Variants in ZMYM4 observed in about 807,000 individuals in gnomAD.
The protein encoded by ZMYM4 is zinc finger MYM-type protein 4.
Under a neutral mutation model 183.2 loss-of-function variants are expected in ZMYM4, and 31 were observed. That is an observed-to-expected ratio of 0.17 (90% CI 0.13 to 0.23). The LOEUF is 0.23. ZMYM4 is among the 10% of genes least tolerant of loss of function. The pLI, the probability that ZMYM4 is intolerant of heterozygous loss-of-function variation, is 1.00. For synonymous variants in ZMYM4, 592 were observed against 631.2 expected (o/e 0.94, Z 0.93); for missense variants, 1,273 against 1,840.3 (o/e 0.69, Z 5.64).
intron 1 of ZMYM4, among the ~76,000 whole-genome samples, chr1:35,280,273 TCTCTCTCC>T (rs1435490056): frequency 6.6e-6 from 1 of 150,674 alleles, no homozygotes; most frequent in East Asian, 2.0e-4. Flanking sequence ...TCTCTCTCTC[TCTCTCTCC>T]CTCTCTCTCT....
At chr1:35,349,804 T>G (rs1311349957) in intron 2 of ZMYM4, among the ~76,000 whole-genome samples, 2 of 147,962 alleles carry the variant, frequency 1.4e-5, no homozygotes, top group African/African-American at 2.5e-5. Context: ...CACTCCAGCC[T>G]GGGAGACAGA....
chr1:35,273,911 A>G (rs1639737859), intron 1 of ZMYM4, among the ~76,000 whole-genome samples: 3 of 152,314 alleles, frequency 2.0e-5, no homozygotes, highest in Non-Finnish European at 1.5e-5. Flanking sequence ...TTATCTATTA[A>G]TATATAAATC....
At chr1:35,279,808 A>G (rs975134945) in intron 1 of ZMYM4, among the ~76,000 whole-genome samples, 5 of 152,152 alleles carry the variant, frequency 3.3e-5, no homozygotes, top group Non-Finnish European at 5.9e-5. Context: ...GTTCCCAGTC[A>G]CATATTCTTT....
intron 2 of ZMYM4, among the ~76,000 whole-genome samples, chr1:35,329,283 A>C (rs1042581118): frequency 2.6e-5 from 4 of 152,250 alleles, no homozygotes; most frequent in Non-Finnish European, 5.9e-5. Flanking sequence ...CTCCTGTGTC[A>C]GGACAATTTG....
intron 26 of ZMYM4, 40 bp downstream of exon 26, chr1:35,408,199 C>A: frequency 6.2e-7 from 1 of 1,610,132 alleles, no homozygotes; most frequent in Non-Finnish European, 8.5e-7. Context: ...CCTAGCAAAT[C>A]CATTGACCAG....
At position 35,398,796 on chromosome 1, in the gene ZMYM4, A is replaced by T. The variant is rs576479222; in HGVS notation, c.3254-68A>T. On this transcript the variant is annotated intron_variant, in intron 21 of 29. Coordinates refer to ENST00000314607, the MANE Select transcript of ZMYM4 (RefSeq NM_005095.3). ...TTTTTTGGTATTTAGGGGTTCAGGA[A>T]GTTTTCCGAGCATGTCAAGATGAGG... 19 of 1,546,240 alleles carry T rather than the reference A, an allele frequency of 1.2e-5. No homozygotes were observed. In the East Asian group the frequency reaches 4.3e-4, roughly 35 times the overall value.
intron 2 of ZMYM4, among the ~76,000 whole-genome samples, chr1:35,338,790 A>G (rs750168509): frequency 2.6e-5 from 4 of 152,140 alleles, no homozygotes; most frequent in Non-Finnish European, 4.4e-5. Flanking sequence ...CGTTAAATCT[A>G]TTACCCACTT....
At position 35,386,171 on chromosome 1, in the gene ZMYM4, C is replaced by T. The variant is rs1558140883; in HGVS notation, c.1818C>T (p.Ser606=). 6.2e-7 allele frequency: 1 copy of T among 1,613,446 alleles called. No individual in the cohort carries two copies. Among genetic ancestry groups the T allele is most frequent in the Admixed American group, 1.7e-5 (1 of 59,928 alleles). Reference sequence around the variant, plus strand: ...GTATACGCAACTTCTGCAGCTACAGCTGTGTGGTAGCTTTCCAGGTATGGC... The same window carrying T: ...GTATACGCAACTTCTGCAGCTACAGTTGTGTGGTAGCTTTCCAGGTATGGC... The part of the protein sequence containing the change: ...DGSIRNFCSY[S]CVVAFQNLFN... Residue 606 remains serine (S), a synonymous_variant, in exon 11 of 30, where the codon AGC becomes AGT. Coordinates refer to ENST00000314607, the MANE Select transcript of ZMYM4 (RefSeq NM_005095.3).
At chr1:35,381,807 T>C (rs1570484760) in intron 9 of ZMYM4, 49 bp downstream of exon 9, 2 of 1,586,164 alleles carry the variant, frequency 1.3e-6, no homozygotes, top group East Asian at 4.5e-5. Context: ...TCAGGTAATC[T>C]GTATTTTTAG....
chr1:35,305,270 TCTAA>T (rs375990644), intron 1 of ZMYM4, among the ~76,000 whole-genome samples: 1 of 152,256 alleles, frequency 6.6e-6, no homozygotes, highest in African/African-American at 2.4e-5. Flanking sequence ...TTTGTCTTGT[TCTAA>T]CTGACAGAAC....
intron 26 of ZMYM4, among the ~76,000 whole-genome samples, chr1:35,411,897 T>G (rs149569783): frequency 0.014 from 2,128 of 152,250 alleles, 51 homozygotes; most frequent in African/African-American, 0.049. Flanking sequence ...TTGTTTGTTT[T>G]TTTGAGACGG....
At chr1:35,290,278 G>A (rs561123401) in intron 1 of ZMYM4, among the ~76,000 whole-genome samples, 18 of 152,226 alleles carry the variant, frequency 1.2e-4, no homozygotes, top group African/African-American at 4.3e-4. Context: ...TGACTTTCCA[G>A]TTTTCTTGTC....
intron 2 of ZMYM4, among the ~76,000 whole-genome samples, chr1:35,327,116 C>T (rs1030421898): frequency 6.6e-6 from 1 of 152,210 alleles, no homozygotes; most frequent in Non-Finnish European, 1.5e-5. Flanking sequence ...CTGCCTTGGC[C>T]TCCCAAAGTC....
At chr1:35,356,627 T>G (rs1484109750) in intron 2 of ZMYM4, among the ~76,000 whole-genome samples, 1 of 152,236 alleles carries the variant, frequency 6.6e-6, no homozygotes, top group Non-Finnish European at 1.5e-5. Context: ...ATACTGTTTC[T>G]AATTTTCTGT....
chr1:35,268,947 CG>C lies in ZMYM4; in HGVS notation c.-99del, dbSNP rs999076132. On this transcript the variant is annotated 5_prime_UTR_variant, in exon 1 of 30. Transcript: ENST00000314607. ...GCCCGGCCGGGTCCGGGGAAGCTGCCGCGAGGCGGCCGTGCCTGCAGTGTGG... is the reference window on the plus strand; with the variant it reads ...GCCCGGCCGGGTCCGGGGAAGCTGCCCGAGGCGGCCGTGCCTGCAGTGTGG... The C allele has an allele frequency of 6.0e-5, 78 of 1,296,606 alleles. 1 individual carries two copies. The highest frequency in any genetic ancestry group is 7.2e-5 in the Non-Finnish European group (73 of 1,013,410). 80.3% of individuals were successfully genotyped at this position (1,296,606 alleles called of 1,614,324 possible).
intron 18 of ZMYM4, 121 bp downstream of exon 18, chr1:35,393,860 A>G (rs1475896383): frequency 8.7e-7 from 1 of 1,150,802 alleles, no homozygotes; most frequent in Non-Finnish European, 1.2e-6. Context: ...TACATTGCCC[A>G]ATTTAGTTCT....
chr1:35,348,206 C>A lies in ZMYM4; in HGVS notation c.86-10719C>A, dbSNP rs569087677. Among the ~76,000 whole-genome samples the A allele has an allele frequency of 1.3e-3, 202 of 152,286 alleles. 1 individual carries two copies. The highest frequency in any genetic ancestry group is 4.3e-3 in the African/African-American group (180 of 41,564). ...GTTGACTATTAAAATTGGTAAAAAT[C>A]AAACTCATTTCTATCAGAAATGTAT... On this transcript the variant is annotated intron_variant, in intron 2 of 29. Transcript: ENST00000314607.
At position 35,393,709 on chromosome 1, in the gene ZMYM4, C is replaced by T; in HGVS notation, c.2881C>T (p.Pro961Ser). The change falls in exon 18 of 30, where the codon CCA becomes TCA. Residue 961 changes from proline to serine, a missense_variant. Pro to Ser is a moderately conservative substitution (Grantham distance 74). This residue lies in a region of ZMYM4 where 290 missense variants were observed against 353.3 expected (regional missense o/e 0.82). Coordinates refer to ENST00000314607, the MANE Select transcript of ZMYM4 (RefSeq NM_005095.3). ...ACAGACTAAAGCCACCTCTTGCAAA[C>T]CACATACCCAAAACAAAGAATGCCA... ...ITQTKATSCK[P>S]HTQNKECQTE... 1.9e-6 allele frequency: 3 copies of T among 1,610,084 alleles called. No individual in the cohort carries two copies. The highest frequency in any genetic ancestry group is 2.5e-6 in the Non-Finnish European group (3 of 1,177,968).
chr1:35,378,894 A>G (rs1644391178), intron 7 of ZMYM4, among the ~76,000 whole-genome samples: 1 of 152,200 alleles, frequency 6.6e-6, no homozygotes, highest in South Asian at 2.1e-4. Flanking sequence ...TGTTCCAGAG[A>G]TAGCTTCTTT....
Sources: gnomAD v4.1 joint callset for allele counts (sites outside exome capture counted in the v4.1 genomes callset) on GRCh38, gnomAD v4.1.1 for gene constraint, gnomAD v4.1.1 regional missense constraint, MANE v1.5 for transcripts, NCBI Gene and HGNC (gene_info 2026-07-23, HGNC 2026-07-21) for gene names.